ANKRD30BL: variants seen among roughly 807,000 people sequenced by gnomAD.
The protein encoded by ANKRD30BL is ankyrin repeat domain 30B like, also known as putative ankyrin repeat domain-containing protein 30B-like.
ANKRD30BL carries 20 observed loss-of-function variants against 18.4 expected under a neutral mutation model. That is an observed-to-expected ratio of 1.09 (90% CI 0.77 to 1.58). ANKRD30BL has a LOEUF of 1.58. Among genes scored for constraint, ANKRD30BL ranks in the 40% most tolerant of loss-of-function variants. The probability of loss-of-function intolerance (pLI) is 0.00; values close to 1 mark genes in which losing one functional copy is unlikely to be tolerated. For synonymous variants in ANKRD30BL, 72 were observed against 100.9 expected, an observed-to-expected ratio of 0.71 and a Z score of 1.72; for missense variants, 224 against 268.6, an observed-to-expected ratio of 0.83 and a Z score of 1.16.
intron 1 of ANKRD30BL, among the ~76,000 whole-genome samples, chr2:132,253,546 C>G (rs13414360): frequency 5.3e-5 from 8 of 152,226 alleles, no homozygotes; most frequent in African/African-American, 1.9e-4. Flanking sequence ...ACAGGCCACA[C>G]GTGCAGCATG....
intron 1 of ANKRD30BL, among the ~76,000 whole-genome samples, chr2:132,228,584 T>A (rs1679910054): frequency 6.6e-6 from 1 of 151,306 alleles, no homozygotes; most frequent in Non-Finnish European, 1.5e-5. Context: ...AGGCCTATGG[T>A]GGAAAAGTAA....
At chr2:132,152,503 G>T (rs1687786714) in intron 4 of ANKRD30BL, 1 of 152,178 alleles carries the variant, frequency 6.6e-6, no homozygotes, top group African/African-American at 2.4e-5. Flanking sequence ...AGGTAGAGAT[G>T]TAAGTAGCAT....
intron 1 of ANKRD30BL, among the ~76,000 whole-genome samples, chr2:132,172,558 T>TA (rs923577093): frequency 1.3e-4 from 20 of 152,328 alleles, no homozygotes; most frequent in African/African-American, 4.8e-4. Flanking sequence ...TTTGCCTATT[T>TA]AAAAAATTGA....
chr2:132,176,769 G>A (rs932300004), intron 1 of ANKRD30BL, among the ~76,000 whole-genome samples: 8 of 152,102 alleles, frequency 5.3e-5, no homozygotes, highest in African/African-American at 1.9e-4. Flanking sequence ...TCAGTCTGGG[G>A]GACAGAGTTA....
chr2:132,221,865 G>T (rs1317194686), intron 1 of ANKRD30BL, among the ~76,000 whole-genome samples: 1 of 123,724 alleles, frequency 8.1e-6, no homozygotes, highest in African/African-American at 3.8e-5. Context: ...CCGGGAGGGG[G>T]GAGGGGGAGT....
chr2:132,248,702 T>A (rs1292046269), intron 1 of ANKRD30BL, among the ~76,000 whole-genome samples: 1 of 151,676 alleles, frequency 6.6e-6, no homozygotes, highest in Non-Finnish European at 1.5e-5. Context: ...CGTCAAAGAA[T>A]AGAAACTTTT....
At chr2:132,179,847 G>C (rs373033347) in intron 1 of ANKRD30BL, among the ~76,000 whole-genome samples, 1 of 151,982 alleles carries the variant, frequency 6.6e-6, no homozygotes, top group Admixed American at 6.6e-5. Context: ...TTTTATAAAA[G>C]AGTTAAAAAG....
intron 1 of ANKRD30BL, among the ~76,000 whole-genome samples, chr2:132,227,686 C>T (rs559230563): frequency 1.1e-4 from 17 of 152,078 alleles, no homozygotes; most frequent in South Asian, 2.1e-4. Context: ...ACATTTGTAG[C>T]GCTTTTGGGC....
intron 1 of ANKRD30BL, among the ~76,000 whole-genome samples, chr2:132,254,282 AG>A (rs1553432269): frequency 6.8e-6 from 1 of 147,244 alleles, no homozygotes; most frequent in East Asian, 2.0e-4. Context: ...CATGCGCCAC[AG>A]GGGAACACGG....
chr2:132,244,913 G>A (rs1024227814), intron 1 of ANKRD30BL, among the ~76,000 whole-genome samples: 1 of 152,242 alleles, frequency 6.6e-6, no homozygotes, highest in Non-Finnish European at 1.5e-5. Flanking sequence ...GAGGCCTATG[G>A]TGAAAAAGGA....
chr2:132,224,463 C>A (rs79801515), intron 1 of ANKRD30BL, among the ~76,000 whole-genome samples: 5 of 150,754 alleles, frequency 3.3e-5, no homozygotes, highest in Non-Finnish European at 7.4e-5. Context: ...TTGTTGGAAA[C>A]GGGAATATCT....
chr2:132,193,586 T>C (rs1352473574), intron 1 of ANKRD30BL, among the ~76,000 whole-genome samples: 2 of 152,138 alleles, frequency 1.3e-5, no homozygotes, highest in Non-Finnish European at 2.9e-5. Context: ...TTGTATTACA[T>C]ACACTCTTCA....
chr2:132,228,854 C>G, intron 1 of ANKRD30BL, among the ~76,000 whole-genome samples: 1 of 149,572 alleles, frequency 6.7e-6, no homozygotes, highest in East Asian at 2.0e-4. Flanking sequence ...TTTCTTTTGA[C>G]TGAGCACTTT....
chr2:132,194,929 G>A (rs1035889607), intron 1 of ANKRD30BL, among the ~76,000 whole-genome samples: 51 of 152,132 alleles, frequency 3.4e-4, no homozygotes, highest in African/African-American at 1.2e-3. Flanking sequence ...AATATTTTTT[G>A]TAACATGCAT....
intron 1 of ANKRD30BL, among the ~76,000 whole-genome samples, chr2:132,255,991 C>G (rs1245708601): frequency 6.6e-6 from 1 of 152,168 alleles, no homozygotes; most frequent in Non-Finnish European, 1.5e-5. Context: ...CACGCATCTT[C>G]CCTGTGAAGG....
intron 1 of ANKRD30BL, among the ~76,000 whole-genome samples, chr2:132,172,496 G>T (rs1300683854): frequency 6.6e-6 from 1 of 152,030 alleles, no homozygotes; most frequent in Non-Finnish European, 1.5e-5. Context: ...CTCTTTTCAT[G>T]TGCTTGTTGG....
intron 1 of ANKRD30BL, among the ~76,000 whole-genome samples, chr2:132,225,961 A>C (rs1187590955): frequency 6.6e-6 from 1 of 152,138 alleles, no homozygotes; most frequent in Non-Finnish European, 1.5e-5. Context: ...CAGAATCTGC[A>C]AGTGGACATT....
chr2:132,160,163 G>A (rs575589576), intron 1 of ANKRD30BL, among the ~76,000 whole-genome samples: 29 of 151,988 alleles, frequency 1.9e-4, no homozygotes, highest in African/African-American at 6.8e-4. Flanking sequence ...GTGCAGTGAT[G>A]GGATCTCAGC....
chr2:132,245,955 T>A (rs1032905183), intron 1 of ANKRD30BL, among the ~76,000 whole-genome samples: 3 of 151,846 alleles, frequency 2.0e-5, no homozygotes, highest in Non-Finnish European at 4.4e-5. Flanking sequence ...AAAGGAAATA[T>A]CTTCACAGCA....
Sources: allele counts gnomAD v4.1 joint callset (sites outside exome capture counted in the v4.1 genomes callset), GRCh38; gene constraint gnomAD v4.1.1; transcripts MANE v1.5; gene names NCBI Gene and HGNC (gene_info 2026-07-23, HGNC 2026-07-21).